The following WDR12 variants were observed in gnomAD, a reference collection of about 807,000 sequenced individuals.
WDR12 encodes WD repeat domain 12, also known as ribosome biogenesis protein WDR12.
WDR12 carries 42 observed loss-of-function variants against 64.3 expected under a neutral mutation model. That is an observed-to-expected ratio of 0.65 (90% CI 0.51 to 0.84). The LOEUF (loss-of-function observed/expected upper bound fraction) is 0.84. Ranked by LOEUF, WDR12 falls within the 40% of genes least tolerant of loss-of-function variation. The pLI is 0.00. For missense variants in WDR12, 469 were observed against 494.6 expected, an observed-to-expected ratio of 0.95 and a Z score of 0.49; for synonymous variants, 158 against 173.3, an observed-to-expected ratio of 0.91 and a Z score of 0.70.
intron 12 of WDR12, among the ~76,000 whole-genome samples, chr2:202,882,299 T>C (rs1574401076): frequency 6.6e-6 from 1 of 151,878 alleles, no homozygotes; most frequent in Non-Finnish European, 1.5e-5. Context: ...AGTGAAATAA[T>C]ACAGAATTAT....
chr2:202,898,948 A>G (rs926200896), intron 4 of WDR12, among the ~76,000 whole-genome samples: 3 of 150,850 alleles, frequency 2.0e-5, no homozygotes, highest in African/African-American at 7.3e-5. Flanking sequence ...CCCGTTTAAA[A>G]AAAAAAAAAA....
intron 7 of WDR12, among the ~76,000 whole-genome samples, chr2:202,893,447 A>G (rs1688187725): frequency 6.6e-6 from 1 of 152,180 alleles, no homozygotes; most frequent in Non-Finnish European, 1.5e-5. Context: ...AAAAAATTCT[A>G]CTAAAGAATT....
chr2:202,898,083 A>C (rs1015738297), intron 4 of WDR12, among the ~76,000 whole-genome samples: 14 of 150,944 alleles, frequency 9.3e-5, no homozygotes, highest in African/African-American at 3.2e-4. Context: ...ACCCCCACCC[A>C]AAAAAAATCC....
intron 12 of WDR12, 34 bp downstream of exon 12, chr2:202,882,677 T>C (rs1467375187): frequency 1.3e-6 from 2 of 1,593,268 alleles, no homozygotes; most frequent in African/African-American, 2.7e-5. Flanking sequence ...TTCTAGTCAC[T>C]TTCCTCTTCA....
At chr2:202,893,115 T>A (rs1249721728) in intron 7 of WDR12, among the ~76,000 whole-genome samples, 1 of 152,154 alleles carries the variant, frequency 6.6e-6, no homozygotes, top group Non-Finnish European at 1.5e-5. Flanking sequence ...ATGTTTATTC[T>A]CTTAATTTCA....
chr2:202,900,713 C>T lies in WDR12; in HGVS notation c.231+312G>A, dbSNP rs182111903. On this transcript the variant is annotated intron_variant, in intron 3 of 12. Transcript: ENST00000261015. ...ATTTGTACACACATATTTGCTATTC[C>T]CTTTCTTGCCAGTTCTTCCACAAAT... Among the ~76,000 whole-genome samples the T allele has an allele frequency of 1.5e-4, 23 of 152,164 alleles. No individual in the cohort carries two copies. In the East Asian group the frequency reaches 3.5e-3, roughly 23 times the overall value.
chr2:202,902,252 A>G (rs747834930), intron 2 of WDR12, among the ~76,000 whole-genome samples: 5 of 152,220 alleles, frequency 3.3e-5, no homozygotes, highest in Non-Finnish European at 5.9e-5. Context: ...TCAACAACAC[A>G]TTAAGAAGAT....
chr2:202,901,176 A>C, intron 2 of WDR12, 57 bp from the exon 3 acceptor site: 1 of 1,359,880 alleles, frequency 7.4e-7, no homozygotes, highest in South Asian at 1.6e-5. Context: ...ATATTGGCAG[A>C]GGTATATGAG....
rs1295755294 is a variant in WDR12 at position 202,907,962 on chromosome 2, A to G, written c.42-3T>C. 1.9e-6 allele frequency: 3 copies of G among 1,612,664 alleles called. No individual in the cohort carries two copies. The highest frequency in any genetic ancestry group is 2.5e-6 in the Non-Finnish European group (3 of 1,178,672). On this transcript the variant is annotated splice_polypyrimidine_tract_variant and splice_region_variant and intron_variant, in intron 1 of 12. Coordinates refer to ENST00000261015, the MANE Select transcript of WDR12 (RefSeq NM_018256.4). ...AGGGAACATCATCTACGGCATATCT[A>G]TAAAAAGGAAATGATATGTCAAGAT...
At chr2:202,892,111 T>G (rs1688167135) in intron 8 of WDR12, among the ~76,000 whole-genome samples, 1 of 152,220 alleles carries the variant, frequency 6.6e-6, no homozygotes. Flanking sequence ...TTAAGTATTT[T>G]TAAAAGTAAG....
At chr2:202,900,466 G>A (rs1290456840) in intron 3 of WDR12, among the ~76,000 whole-genome samples, 1 of 152,124 alleles carries the variant, frequency 6.6e-6, no homozygotes, top group Non-Finnish European at 1.5e-5. Context: ...ATACTGCAAA[G>A]GCACTTAATG....
At chr2:202,904,810 C>G (rs541515540) in intron 2 of WDR12, among the ~76,000 whole-genome samples, 53 of 152,230 alleles carry the variant, frequency 3.5e-4, no homozygotes, top group African/African-American at 1.3e-3. Context: ...GCAATCAAAG[C>G]AGAAATAGAC....
At chr2:202,888,990 T>C (rs548819848) in intron 8 of WDR12, among the ~76,000 whole-genome samples, 2 of 152,288 alleles carry the variant, frequency 1.3e-5, no homozygotes, top group East Asian at 3.9e-4. Context: ...TTAGCCACCT[T>C]CTCGGGCCCC....
At chr2:202,904,826 C>T (rs972832106) in intron 2 of WDR12, among the ~76,000 whole-genome samples, 3 of 152,074 alleles carry the variant, frequency 2.0e-5, no homozygotes, top group Middle Eastern at 3.2e-3. Flanking sequence ...TAGACAAATG[C>T]GATCCCATCA....
rs1219167415 is a variant in WDR12, at chr2:202,879,015, A to G, written c.*1845T>C. ...TGAGGAAAGATTAGGGTTACAGTGA[A>G]AACTGTATGCAATGCAATTTTTTAT... On this transcript the variant is annotated 3_prime_UTR_variant, in exon 13 of 13. Transcript: ENST00000261015. The G allele has an allele frequency of 1.3e-5, 2 of 152,186 alleles. No individual in the cohort carries two copies. Among genetic ancestry groups the G allele is most frequent in the Non-Finnish European group, 2.9e-5 (2 of 68,048 alleles). 9.4% of individuals were successfully genotyped at this position (152,186 alleles called of 1,614,324 possible).
chr2:202,888,119 C>T (rs998821571), intron 8 of WDR12, among the ~76,000 whole-genome samples: 4 of 152,042 alleles, frequency 2.6e-5, no homozygotes, highest in Admixed American at 2.0e-4. Context: ...ATATCCATAC[C>T]ACAGAATACT....
chr2:202,903,478 A>C, intron 2 of WDR12, among the ~76,000 whole-genome samples: 1 of 125,188 alleles, frequency 8.0e-6, no homozygotes, highest in Non-Finnish European at 1.7e-5. Flanking sequence ...GAAGGAAGGA[A>C]GGAAGGAAGG....
chr2:202,895,834 C>T (rs191102759), intron 6 of WDR12, among the ~76,000 whole-genome samples: 1 of 151,746 alleles, frequency 6.6e-6, no homozygotes, highest in East Asian at 1.9e-4. Flanking sequence ...CCGGCCCATA[C>T]CTCATTTCTT....
rs755885486 is a variant in WDR12, at chr2:202,897,334, C to T, written c.420G>A (p.Thr140=). 14 of 1,599,582 alleles carry T rather than the reference C, an allele frequency of 8.8e-6. No individual in the cohort carries two copies. In the South Asian group the frequency reaches 9.0e-5, roughly 10 times the overall value. Residue 140 remains threonine, a synonymous_variant, in exon 5 of 13, where the codon ACG becomes ACA. Coordinates refer to ENST00000261015, the MANE Select transcript of WDR12 (RefSeq NM_018256.4). ...CCCAGGCCACATCTTTTACAACATC[C>T]GTATGTCCCACAATTGTCATTATTG... ...GKSIMTIVGH[T]DVVKDVAWVK... is the part of the protein sequence containing the mutation.
Sources: gnomAD v4.1 joint callset for allele counts (sites outside exome capture counted in the v4.1 genomes callset) on GRCh38, gnomAD v4.1.1 for gene constraint, MANE v1.5 for transcripts, NCBI Gene and HGNC (gene_info 2026-07-23, HGNC 2026-07-21) for gene names.